AJAP1: variants seen among roughly 807,000 people sequenced by gnomAD.
AJAP1 encodes adherens junctions associated protein 1, also known as adherens junction-associated protein 1.
AJAP1 carries 5 observed loss-of-function variants against 35.0 expected under a neutral mutation model. That is an observed-to-expected ratio of 0.14 (90% CI 0.07 to 0.30). The LOEUF (loss-of-function observed/expected upper bound fraction) is 0.30, where lower values mean the gene tolerates loss of function less well. Ranked by LOEUF, AJAP1 falls within the 10% of genes least tolerant of loss-of-function variation. The probability of loss-of-function intolerance (pLI) is 1.00; values close to 1 mark genes in which losing one functional copy is unlikely to be tolerated. For missense variants in AJAP1, 586 were observed against 571.0 expected, an observed-to-expected ratio of 1.03 and a Z score of -0.27; for synonymous variants, 284 against 249.3, an observed-to-expected ratio of 1.14 and a Z score of -1.31.
At chr1:4,712,752 C>T (rs924681068) in intron 2 of AJAP1, 53 bp downstream of exon 2, 12 of 1,470,014 alleles carry the variant, frequency 8.2e-6, no homozygotes, top group African/African-American at 7.1e-5. Context: ...GGGCTGGGAG[C>T]GTGACTCGGG....
At position 4,774,707 on chromosome 1, in the gene AJAP1, G is replaced by C. The variant is rs2272876; in HGVS notation, c.*59+149G>C. On this transcript the variant is annotated intron_variant, in intron 5 of 5. Transcript: ENST00000378191. ...ATCACTTCTCTGAACATGAGCCGGC[G>C]GGGGGGGCTGGGCTTTTGACCTTGA... The C allele has an allele frequency of 7.8e-5, 43 of 548,302 alleles. No homozygotes were observed. The Middle Eastern group carries it at 2.0e-3, about 25-fold the overall frequency. 34.0% of individuals were successfully genotyped at this position (548,302 alleles called of 1,614,324 possible).
chr1:4,739,491 A>C (rs1365276881), intron 2 of AJAP1, among the ~76,000 whole-genome samples: 1 of 152,238 alleles, frequency 6.6e-6, no homozygotes, highest in African/African-American at 2.4e-5. Context: ...TTCTGGGGAA[A>C]TAAGTCAAAA....
Position 4,785,742 on chromosome 1 carries a change from G to T in AJAP1, c.*3257G>T, listed in dbSNP as rs1391124836. On this transcript the variant is annotated 3_prime_UTR_variant, in exon 6 of 6. Coordinates refer to ENST00000378191, the MANE Select transcript of AJAP1 (RefSeq NM_018836.4). The stretch of plus-strand genomic sequence containing the variant: ...AGACACCTCCCATCCCCCACCCAAG[G>T]CCTGGTCCTTTCCTTTGCTTGAGCT... 6.6e-6 allele frequency: 1 copy of T among 152,080 alleles called. No homozygotes were observed. Among genetic ancestry groups the T allele is most frequent in the East Asian group, 1.9e-4 (1 of 5,176 alleles). The allele number at this position is 152,080 out of a possible 1,614,324, so 9.4% of individuals were successfully genotyped here. A position where few individuals can be genotyped will look rare whatever the true frequency, so the allele number is the denominator to read the frequency against.
chr1:4,780,311 TCCCCTGGC>T (rs1395402694), intron 5 of AJAP1, among the ~76,000 whole-genome samples: 2 of 150,056 alleles, frequency 1.3e-5, no homozygotes, highest in Non-Finnish European at 3.0e-5. Flanking sequence ...TCTCCCCCCA[TCCCCTGGC>T]CCCCAATTCT....
intron 1 of AJAP1, among the ~76,000 whole-genome samples, chr1:4,702,165 T>C (rs1640003475): frequency 6.6e-6 from 1 of 151,890 alleles, no homozygotes; most frequent in Non-Finnish European, 1.5e-5. Context: ...TATTCTAACA[T>C]GTCCCCAATA....
rs774086340 is a variant in AJAP1 at position 4,707,963 on chromosome 1, G to GTTT, written c.30-3929_30-3927dup. ...TCTGTGGGTGTGATGTGGGCGGTAC[G>GTTT]TTTTTTTTTTGTTTTTTTTTTTTGA... On this transcript the variant is annotated intron_variant, in intron 1 of 5. Transcript: ENST00000378191. Among the ~76,000 whole-genome samples the GTTT allele has an allele frequency of 7.9e-5, 10 of 126,174 alleles. No homozygotes were observed. In the South Asian group the frequency reaches 8.8e-4, roughly 11 times the overall value. The allele number at this position is 126,174 out of a possible 152,430, so 82.8% of individuals were successfully genotyped here. A position where few individuals can be genotyped will look rare whatever the true frequency, so the allele number is the denominator to read the frequency against.
chr1:4,661,465 G>A (rs536415571), intron 1 of AJAP1, among the ~76,000 whole-genome samples: 1 of 152,202 alleles, frequency 6.6e-6, no homozygotes, highest in African/African-American at 2.4e-5. Context: ...AGAGAGGTTA[G>A]GTAATTTGCT....
At chr1:4,717,260 C>T (rs1301303705) in intron 2 of AJAP1, among the ~76,000 whole-genome samples, 1 of 152,170 alleles carries the variant, frequency 6.6e-6, no homozygotes, top group African/African-American at 2.4e-5. Flanking sequence ...GGCAGGAGTG[C>T]TTGGTGTACA....
In AJAP1 at chr1:4,790,228, C is replaced by T. The variant is rs1236441920; in HGVS notation, c.*7743C>T. On this transcript the variant is annotated 3_prime_UTR_variant, in exon 6 of 6. Coordinates refer to ENST00000378191, the MANE Select transcript of AJAP1 (RefSeq NM_018836.4). Reference sequence around the variant, plus strand: ...CTCCCAGGGGAACCCTCTCCTGTTGCCTCCGCAGTCTATTCTGGGGTGGAA... The same window carrying T: ...CTCCCAGGGGAACCCTCTCCTGTTGTCTCCGCAGTCTATTCTGGGGTGGAA... 1 of 152,254 alleles carries T rather than the reference C, an allele frequency of 6.6e-6. No homozygotes were observed. Among genetic ancestry groups the T allele is most frequent in the Non-Finnish European group, 1.5e-5 (1 of 68,050 alleles). 9.4% of individuals were successfully genotyped at this position (152,254 alleles called of 1,614,324 possible). A position where few individuals can be genotyped will look rare whatever the true frequency, so the allele number is the denominator to read the frequency against.
In AJAP1 at chr1:4,666,112, C is replaced by G. The variant is rs1570087211; in HGVS notation, c.29+10658C>G. 2.0e-5 allele frequency among the ~76,000 whole-genome samples: 3 copies of G among 147,292 alleles called. No homozygotes were observed. The South Asian group carries it at 6.6e-4, about 32-fold the overall frequency. ...CCTCCGGCCCACCCAGGAGGGGCAC[C>G]CCGCAGTGAAATAGCCCACTGAGGC... On this transcript the variant is annotated intron_variant, in intron 1 of 5. Transcript: ENST00000378191.
intron 1 of AJAP1, among the ~76,000 whole-genome samples, chr1:4,657,654 G>T (rs551446771): frequency 4.6e-5 from 7 of 151,170 alleles, no homozygotes; most frequent in South Asian, 4.2e-4. Flanking sequence ...TCCAGCTGGG[G>T]TGGCAGAAGG....
intron 5 of AJAP1, among the ~76,000 whole-genome samples, chr1:4,777,956 C>T (rs1309933734): frequency 3.3e-5 from 5 of 152,306 alleles, no homozygotes; most frequent in African/African-American, 1.2e-4. Flanking sequence ...AGAAAGTAGC[C>T]ACTTCAGATT....
At chr1:4,738,167 A>G (rs1640974064) in intron 2 of AJAP1, among the ~76,000 whole-genome samples, 2 of 152,204 alleles carry the variant, frequency 1.3e-5, no homozygotes, top group African/African-American at 4.8e-5. Flanking sequence ...GCGTCCTTCA[A>G]GCATGCAGCC....
rs956735311 is a variant in AJAP1 at position 4,691,685 on chromosome 1, G to T, written c.30-20215G>T. ...CCCACCCGCTGACTCCAGGAGTCAG[G>T]GGGGCTTAGGAAGGAGGGCCAGGAC... On this transcript the variant is annotated intron_variant, in intron 1 of 5. Transcript: ENST00000378191. 2.0e-5 allele frequency among the ~76,000 whole-genome samples: 3 copies of T among 152,126 alleles called. 1 individual carries two copies. The highest frequency in any genetic ancestry group is 2.0e-4 in the Admixed American group (3 of 15,286).
Position 4,782,491 on chromosome 1 carries a change from G to A in AJAP1, c.*60-54G>A, listed in dbSNP as rs888962331. On this transcript the variant is annotated intron_variant, in intron 5 of 5. Coordinates refer to ENST00000378191, the MANE Select transcript of AJAP1 (RefSeq NM_018836.4). This position sits in a 1 kb window ranked among gnomAD's most constrained non-coding sequence, Gnocchi z 5.3. ...AGTCGACCGAGAACCCCACAGACTT[G>A]TCGCGCCCTCGGCGTGCTGCCATTT... 10 of 325,500 alleles carry A rather than the reference G, an allele frequency of 3.1e-5. No homozygotes were observed. The highest frequency in any genetic ancestry group is 5.5e-5 in the Non-Finnish European group (10 of 180,270). The allele number at this position is 325,500 out of a possible 1,614,324, so 20.2% of individuals were successfully genotyped here.
rs1377945499 is a variant in AJAP1 at position 4,790,691 on chromosome 1, T to A, written c.*8206T>A. 1.3e-5 allele frequency: 2 copies of A among 152,228 alleles called. No homozygotes were observed. Among genetic ancestry groups the A allele is most frequent in the Non-Finnish European group, 2.9e-5 (2 of 68,052 alleles). 9.4% of individuals were successfully genotyped at this position (152,228 alleles called of 1,614,324 possible). On this transcript the variant is annotated 3_prime_UTR_variant, in exon 6 of 6. Coordinates refer to ENST00000378191, the MANE Select transcript of AJAP1 (RefSeq NM_018836.4). ...TAGTTATCAGTCAACTGATGATAAC[T>A]GTGATCCTTAAAGATGAATTCCCAG...
intron 2 of AJAP1, among the ~76,000 whole-genome samples, chr1:4,753,636 G>A (rs1023411218): frequency 1.3e-5 from 2 of 152,148 alleles, no homozygotes; most frequent in African/African-American, 4.8e-5. Flanking sequence ...GCAATGGCAT[G>A]ATCTCAGCTC....
chr1:4,746,240 A>G (rs1417643191), intron 2 of AJAP1, among the ~76,000 whole-genome samples: 1 of 151,954 alleles, frequency 6.6e-6, no homozygotes, highest in Non-Finnish European at 1.5e-5. Context: ...TGCCTCCTCT[A>G]TATCTCTATG....
intron 2 of AJAP1, among the ~76,000 whole-genome samples, chr1:4,736,230 G>A (rs1404484557): frequency 6.6e-6 from 1 of 152,218 alleles, no homozygotes; most frequent in Non-Finnish European, 1.5e-5. Flanking sequence ...CCACAGCTCT[G>A]ATGTTGCCCC....
Sources: allele counts gnomAD v4.1 joint callset (sites outside exome capture counted in the v4.1 genomes callset), GRCh38; gene constraint gnomAD v4.1.1; non-coding constraint Gnocchi (gnomAD v3.1); transcripts MANE v1.5; gene names NCBI Gene and HGNC (gene_info 2026-07-23, HGNC 2026-07-21).